NF2: variants seen among roughly 807,000 people sequenced by gnomAD.
The protein encoded by NF2 is NF2, moesin-ezrin-radixin like (MERLIN) tumor suppressor.
A neutral mutation model predicts 83.7 loss-of-function variants in NF2; 8 were observed. That is an observed-to-expected ratio of 0.10 (90% CI 0.06 to 0.17). The LOEUF (loss-of-function observed/expected upper bound fraction) is 0.17. Ranked by LOEUF, NF2 falls within the 10% of genes least tolerant of loss-of-function variation. The pLI, the probability that NF2 is intolerant of heterozygous loss-of-function variation, is 1.00. For missense variants in NF2, 533 were observed against 744.4 expected (o/e 0.72, Z 3.31); for synonymous variants, 266 against 269.6 (o/e 0.99, Z 0.13).
Position 29,651,805 on chromosome 22 carries a change from C to T in NF2, c.448-2852C>T, listed in dbSNP as rs145156092. Among the ~76,000 whole-genome samples, 225 of 152,262 alleles carry T rather than the reference C, an allele frequency of 1.5e-3. 2 individuals carry two copies. The highest frequency in any genetic ancestry group is 5.0e-3 in the African/African-American group (207 of 41,540). ...AATGGGGGTTGTTAATCTTGCATGC[C>T]TTTGGAACCTGAATTTACAGCTTTA... On this transcript the variant is annotated intron_variant, in intron 4 of 15. Transcript: ENST00000338641.
intron 15 of NF2, among the ~76,000 whole-genome samples, chr22:29,692,472 A>G (rs1011389198): frequency 1.3e-5 from 2 of 152,218 alleles, no homozygotes; most frequent in East Asian, 3.9e-4. Flanking sequence ...TGGCAGTGCC[A>G]GAACCCTCCC....
chr22:29,654,776 A>G, intron 5 of NF2, 51 bp downstream of exon 5: 2 of 1,394,586 alleles, frequency 1.4e-6, no homozygotes, highest in Non-Finnish European at 2.0e-6. Flanking sequence ...ATGTGGTCTA[A>G]AAGAAAGCTA....
At chr22:29,637,970 A>G (rs118004234) in intron 2 of NF2, among the ~76,000 whole-genome samples, 163 of 152,328 alleles carry the variant, frequency 1.1e-3, no homozygotes, top group African/African-American at 3.5e-3. Context: ...GTTTTTCATG[A>G]TTCTTAGCAA....
At chr22:29,676,784 A>G (rs1435735852) in intron 13 of NF2, among the ~76,000 whole-genome samples, 1 of 152,220 alleles carries the variant, frequency 6.6e-6, no homozygotes, top group Non-Finnish European at 1.5e-5. Context: ...CGATTTTGAT[A>G]CTCTCCAAAG....
intron 4 of NF2, among the ~76,000 whole-genome samples, chr22:29,653,905 A>G (rs377102443): frequency 8.5e-5 from 13 of 152,210 alleles, no homozygotes; most frequent in Admixed American, 6.5e-4. Flanking sequence ...TTTATATTCT[A>G]CTGTATGTTT....
At chr22:29,678,139 A>C in intron 13 of NF2, 57 bp from the exon 14 acceptor site, 1 of 1,610,200 alleles carries the variant, frequency 6.2e-7, no homozygotes, top group Non-Finnish European at 8.5e-7. Context: ...TCAACACAGT[A>C]GTGTCCTTCT....
In NF2 at chr22:29,697,052, G is replaced by A; in HGVS notation, c.*2250G>A. ...GACTGGTCTCGAACTCCTGACCTCA[G>A]GTGATCCTCCCACCCCGGCTTCCCA... On this transcript the variant is annotated 3_prime_UTR_variant, in exon 16 of 16. Transcript: ENST00000338641. The A allele has an allele frequency of 5.3e-6, 1 of 190,440 alleles. No individual in the cohort carries two copies. Among genetic ancestry groups the A allele is most frequent in the Non-Finnish European group, 1.1e-5 (1 of 90,694 alleles). 11.8% of individuals were successfully genotyped at this position (190,440 alleles called of 1,614,324 possible).
chr22:29,681,392 C>T (rs756420185), intron 14 of NF2, 47 bp from the exon 15 acceptor site: 7 of 1,610,948 alleles, frequency 4.3e-6, no homozygotes, highest in Non-Finnish European at 5.9e-6. Flanking sequence ...TGAGCCGTGT[C>T]TCACTGTCTG....
Position 29,604,034 on chromosome 22 carries a change from C to T in NF2, c.36C>T (p.Ser12=), listed in dbSNP as rs371800843. ...AGAIASRMSF[S]SLKRKQPKTF... The stretch of plus-strand genomic sequence containing the variant: ...CCATCGCTTCCCGCATGAGCTTCAG[C>T]TCTCTCAAGAGGAAGCAACCCAAGA... Residue 12 remains serine, a synonymous_variant, in exon 1 of 16, where the codon AGC becomes AGT. Transcript: ENST00000338641. The T allele has an allele frequency of 6.9e-6, 11 of 1,601,826 alleles. No individual in the cohort carries two copies. Among genetic ancestry groups the T allele is most frequent in the Non-Finnish European group, 9.4e-6 (11 of 1,174,422 alleles).
intron 13 of NF2, among the ~76,000 whole-genome samples, chr22:29,676,775 G>T (rs568996863): frequency 1.3e-5 from 2 of 152,264 alleles, no homozygotes; most frequent in East Asian, 1.9e-4. Flanking sequence ...TCAAATTTTC[G>T]ATTTTGATAC....
At position 29,642,300 on chromosome 22, in the gene NF2, G is replaced by T; in HGVS notation, c.447+15G>T. On this transcript the variant is annotated intron_variant, in intron 4 of 15. Transcript: ENST00000338641. ...TCCAGGCCAAGGTAGGCTCAAAGAA[G>T]AAAAATGTATTTTTCCTGGGCGTTA... The T allele has an allele frequency of 6.2e-7, 1 of 1,611,412 alleles. No individual in the cohort carries two copies. Among genetic ancestry groups the T allele is most frequent in the Non-Finnish European group, 8.5e-7 (1 of 1,177,570 alleles).
At chr22:29,604,708 A>G (rs915360617) in intron 1 of NF2, among the ~76,000 whole-genome samples, 1 of 152,202 alleles carries the variant, frequency 6.6e-6, no homozygotes, top group African/African-American at 2.4e-5. Flanking sequence ...CACAGCCCGT[A>G]CAGTACTGCT....
chr22:29,624,471 G>C (rs2065291025), intron 1 of NF2, among the ~76,000 whole-genome samples: 1 of 152,184 alleles, frequency 6.6e-6, no homozygotes, highest in Non-Finnish European at 1.5e-5. Flanking sequence ...ACCTCCCTAA[G>C]TGCTAGGATT....
chr22:29,611,868 GA>G (rs1297571894), intron 1 of NF2, among the ~76,000 whole-genome samples: 5 of 151,946 alleles, frequency 3.3e-5, no homozygotes, highest in African/African-American at 1.2e-4. Context: ...AGGAAATTAA[GA>G]AAATTCCATT....
chr22:29,643,657 C>T (rs1186567391), intron 4 of NF2, among the ~76,000 whole-genome samples: 1 of 152,222 alleles, frequency 6.6e-6, no homozygotes, highest in African/African-American at 2.4e-5. Flanking sequence ...TTTCTTAGTA[C>T]AGAACAAAAT....
At chr22:29,626,812 T>A (rs2065379455) in intron 1 of NF2, among the ~76,000 whole-genome samples, 1 of 152,236 alleles carries the variant, frequency 6.6e-6, no homozygotes, top group African/African-American at 2.4e-5. Flanking sequence ...AAATTTAACC[T>A]TGTGCCTTAT....
chr22:29,651,378 T>C (rs2066143482), intron 4 of NF2, among the ~76,000 whole-genome samples: 1 of 152,236 alleles, frequency 6.6e-6, no homozygotes, highest in Non-Finnish European at 1.5e-5. Context: ...GTCTGAATTT[T>C]AATAATTTAG....
rs141837477 is a variant in NF2, at chr22:29,624,901, T to TTC, written c.115-11830_115-11829dup. On this transcript the variant is annotated intron_variant, in intron 1 of 15. Coordinates refer to ENST00000338641, the MANE Select transcript of NF2 (RefSeq NM_000268.4). ...TCTCCTCTTTCTGTCTCTCTCTTCT[T>TTC]TCTCTCTCTCTCTCTCTCTCTTTCT... Among the ~76,000 whole-genome samples the TTC allele has an allele frequency of 3.9e-3, 554 of 143,266 alleles. 4 individuals are homozygous for TTC. Among genetic ancestry groups the TTC allele is most frequent in the Middle Eastern group, 0.011 (3 of 282 alleles). 94.0% of individuals were successfully genotyped at this position (143,266 alleles called of 152,430 possible).
At chr22:29,637,151 T>C (rs1202155165) in intron 2 of NF2, among the ~76,000 whole-genome samples, 2 of 152,262 alleles carry the variant, frequency 1.3e-5, no homozygotes, top group Non-Finnish European at 2.9e-5. Flanking sequence ...TCTGGCTTTA[T>C]GCCTTTCAGT....
Sources: gnomAD v4.1 joint callset for allele counts (sites outside exome capture counted in the v4.1 genomes callset) on GRCh38, gnomAD v4.1.1 for gene constraint, MANE v1.5 for transcripts, NCBI Gene and HGNC (gene_info 2026-07-23, HGNC 2026-07-21) for gene names.